Variants in DMD observed in about 807,000 individuals in gnomAD.
The protein encoded by DMD is mutant dystrophin.
Under a neutral mutation model 330.1 loss-of-function variants are expected in DMD, and 63 were observed. The observed-to-expected ratio is 0.19, with a 90% CI of 0.16 to 0.24. The LOEUF is 0.24. DMD is among the 10% of genes least tolerant of loss of function. The pLI, the probability that DMD is intolerant of heterozygous loss-of-function variation, is 1.00. For synonymous variants in DMD, 1,223 were observed against 959.8 expected (o/e 1.27, Z -5.07); for missense variants, 3,344 against 2,684.1 (o/e 1.25, Z -5.43).
intron 1 of DMD, among the ~76,000 whole-genome samples, chrX:33,112,582 G>A (rs892251360): frequency 1.8e-5 from 2 of 111,128 alleles, no homozygotes; most frequent in African/African-American, 3.3e-5. Context: ...GAAGTGTACC[G>A]TCCTATCCCC....
chrX:32,728,878 G>C (rs2067200006), intron 7 of DMD, among the ~76,000 whole-genome samples: 2 of 111,673 alleles, frequency 1.8e-5, no homozygotes, highest in South Asian at 7.5e-4. Flanking sequence ...CTTAAACACT[G>C]TTAGTCTTTC....
chrX:31,729,648 G>A lies in DMD; in HGVS notation c.7643C>T (p.Thr2548Ile). Residue 2548 changes from threonine (T) to isoleucine (I), a missense_variant, in exon 52 of 79, where the codon ACA becomes ATA. Physicochemically the swap from Thr to Ile is moderately conservative, Grantham distance 89. Transcript: ENST00000357033. ...AAACTTACTTCGATCCGTAATGATT[G>A]TTCTAGCCTCTTGATTGCTGGTCTT... ...KNKTSNQEARTIITDRIERIQ... is the reference protein window; with the variant it reads ...KNKTSNQEARIIITDRIERIQ... 1 of 1,210,105 alleles carries A rather than the reference G, an allele frequency of 8.3e-7. No individual in the cohort carries two copies. Among genetic ancestry groups the A allele is most frequent in the African/African-American group, 1.7e-5 (1 of 57,797 alleles).
chrX:32,469,469 AAC>A (rs2040393187), intron 22 of DMD, among the ~76,000 whole-genome samples: 1 of 111,206 alleles, frequency 9.0e-6, no homozygotes, highest in African/African-American at 3.2e-5. Flanking sequence ...TGCACATATA[AAC>A]AGTTATTCTT....
intron 67 of DMD, among the ~76,000 whole-genome samples, chrX:31,191,980 TAC>T (rs1336034757): frequency 8.9e-6 from 1 of 112,529 alleles, no homozygotes; most frequent in African/African-American, 3.2e-5. Context: ...TTACAGTCTG[TAC>T]ACAAAGATTT....
intron 50 of DMD, among the ~76,000 whole-genome samples, chrX:31,812,343 C>T (rs2149391775): frequency 2.0e-5 from 2 of 99,755 alleles, no homozygotes; most frequent in South Asian, 9.8e-4. Context: ...CGCATATTCT[C>T]ACTCACAGGT....
intron 62 of DMD, among the ~76,000 whole-genome samples, chrX:31,294,765 G>A (rs12559712): frequency 0.13 from 14,594 of 111,075 alleles, 858 homozygotes; most frequent in East Asian, 0.23. Flanking sequence ...AATGATAATG[G>A]CAGAAATGAC....
At chrX:32,418,327 C>A (rs373371273) in intron 29 of DMD, among the ~76,000 whole-genome samples, 3 of 110,802 alleles carry the variant, frequency 2.7e-5, no homozygotes, top group East Asian at 5.7e-4. Flanking sequence ...AGAATGTGGT[C>A]CAGCAGAAGA....
chrX:31,426,112 C>T (rs1399516039), intron 60 of DMD, among the ~76,000 whole-genome samples: 3 of 111,666 alleles, frequency 2.7e-5, no homozygotes, highest in African/African-American at 9.8e-5. Context: ...GGGAACTGTG[C>T]TAGATTATCA....
intron 55 of DMD, among the ~76,000 whole-genome samples, chrX:31,569,625 T>TACAC (rs2075671945): frequency 5.1e-5 from 5 of 98,510 alleles, no homozygotes; most frequent in African/African-American, 1.9e-4. Context: ...TATATATACG[T>TACAC]ATATACGTAT....
chrX:31,763,478 G>A (rs754658925), intron 51 of DMD, among the ~76,000 whole-genome samples: 4 of 111,990 alleles, frequency 3.6e-5, no homozygotes, highest in Non-Finnish European at 5.6e-5. Flanking sequence ...CAGGAGAATC[G>A]CTTGAACCTA....
At chrX:31,807,323 TTTAA>T (rs1782556808) in intron 50 of DMD, among the ~76,000 whole-genome samples, 1 of 111,871 alleles carries the variant, frequency 8.9e-6, no homozygotes, top group Non-Finnish European at 1.9e-5. Flanking sequence ...AACATATTTA[TTTAA>T]TTGATTTTGA....
chrX:32,634,521 T>G (rs942663836), intron 11 of DMD, among the ~76,000 whole-genome samples: 3 of 112,006 alleles, frequency 2.7e-5, no homozygotes, highest in Non-Finnish European at 5.6e-5. Flanking sequence ...TGCTGATTAT[T>G]CAGGGCCCTA....
chrX:32,748,112 G>T (rs1412708174), intron 7 of DMD, among the ~76,000 whole-genome samples: 1 of 110,441 alleles, frequency 9.1e-6, no homozygotes, highest in African/African-American at 3.3e-5. Context: ...GGAGGCTGAG[G>T]CAGGCAGATC....
At chrX:33,115,378 T>TC (rs1401727576) in intron 1 of DMD, among the ~76,000 whole-genome samples, 1 of 111,490 alleles carries the variant, frequency 9.0e-6, no homozygotes, top group African/African-American at 3.3e-5. Context: ...ATTTTTTTTT[T>TC]CTTTCAATGT....
chrX:33,087,190 G>A (rs2095020729), intron 1 of DMD, among the ~76,000 whole-genome samples: 1 of 111,680 alleles, frequency 9.0e-6, no homozygotes, highest in African/African-American at 3.3e-5. Context: ...GCTTTCAGAG[G>A]ATTCCTGTGT....
chrX:32,148,492 G>C (rs1157263824), intron 44 of DMD, among the ~76,000 whole-genome samples: 1 of 110,401 alleles, frequency 9.1e-6, no homozygotes. Flanking sequence ...ATAAATATAA[G>C]ACTCTACATA....
chrX:32,325,210 C>T (rs1569557856), intron 41 of DMD, among the ~76,000 whole-genome samples: 1 of 109,212 alleles, frequency 9.2e-6, no homozygotes, highest in Non-Finnish European at 1.9e-5. Flanking sequence ...AAATTGTAGA[C>T]TTTTTTTTTG....
chrX:32,554,943 G>GGAAAGAAAGGAAAGAAAGAAAGAA (rs1569190975), intron 16 of DMD, among the ~76,000 whole-genome samples: 1 of 18,264 alleles, frequency 5.5e-5, no homozygotes. Context: ...GAAAGAAAGA[G>GGAAAGAAAGGAAAGAAAGAAAGAA]AGAGAGAGGG....
At chrX:32,783,273 A>C (rs1305635989) in intron 7 of DMD, among the ~76,000 whole-genome samples, 3 of 94,903 alleles carry the variant, frequency 3.2e-5, no homozygotes, top group African/African-American at 1.1e-4. Flanking sequence ...CATATATGGT[A>C]TATATACACC....
Sources: gnomAD v4.1 joint callset for allele counts (sites outside exome capture counted in the v4.1 genomes callset) on GRCh38, gnomAD v4.1.1 for gene constraint, MANE v1.5 for transcripts, NCBI Gene and HGNC (gene_info 2026-07-23, HGNC 2026-07-21) for gene names.